The following RPN2 variants were observed in gnomAD, a reference collection of about 807,000 sequenced individuals.
RPN2 encodes the protein dolichyl-diphosphooligosaccharide--protein glycosyltransferase subunit 2.
RPN2 carries 29 observed loss-of-function variants against 71.4 expected under a neutral mutation model. The observed-to-expected ratio is 0.41, with a 90% confidence interval of 0.30 to 0.55. RPN2 has a LOEUF of 0.55. Ranked by LOEUF, RPN2 falls within the 20% of genes least tolerant of loss-of-function variation. The pLI, the probability that RPN2 is intolerant of heterozygous loss-of-function variation, is 0.35. For missense variants in RPN2, 726 were observed against 774.1 expected (o/e 0.94, Z 0.74); for synonymous variants, 308 against 305.0 (o/e 1.01, Z -0.10).
At chr20:37,219,480 C>A (rs1568988640) in intron 9 of RPN2, among the ~76,000 whole-genome samples, 1 of 152,068 alleles carries the variant, frequency 6.6e-6, no homozygotes, top group Non-Finnish European at 1.5e-5. Flanking sequence ...TTATTAAATA[C>A]ATGATTTGCA....
At chr20:37,181,435 T>C (rs992823730) in intron 1 of RPN2, among the ~76,000 whole-genome samples, 9 of 148,826 alleles carry the variant, frequency 6.0e-5, no homozygotes, top group Admixed American at 2.0e-4. Context: ...TCTTTTCTTT[T>C]TTTTTTTTTT....
intron 13 of RPN2, among the ~76,000 whole-genome samples, chr20:37,231,477 G>C (rs1333975914): frequency 2.0e-5 from 3 of 152,132 alleles, no homozygotes; most frequent in Non-Finnish European, 2.9e-5. Flanking sequence ...CGCGAATCTT[G>C]CTTTGCAGGG....
Position 37,207,323 on chromosome 20 carries a change from G to A in RPN2, c.741G>A (p.Glu247=), listed in dbSNP as rs1352823120. The A allele has an allele frequency of 5.0e-6, 8 of 1,614,124 alleles. No individual in the cohort carries two copies. The highest frequency in any genetic ancestry group is 6.8e-6 in the Non-Finnish European group (8 of 1,179,946). The part of the protein sequence containing the change: ...MNAIFSKKNF[E]SLSEAFSVAS... ...CGATCTTCAGCAAGAAGAACTTTGA[G>A]TCCCTCTCCGAAGCCTTCAGCGTGG... Residue 247 remains glutamate, a synonymous_variant, in exon 7 of 17, where the codon GAG becomes GAA. Coordinates refer to ENST00000237530, the MANE Select transcript of RPN2 (RefSeq NM_002951.5).
chr20:37,184,460 A>T, intron 2 of RPN2, 87 bp downstream of exon 2: 1 of 1,161,432 alleles, frequency 8.6e-7, no homozygotes, highest in Non-Finnish European at 1.3e-6. Flanking sequence ...TTCAAAACTA[A>T]CTCTTGCTCA....
At chr20:37,196,251 C>T (rs1478668903) in intron 2 of RPN2, among the ~76,000 whole-genome samples, 4 of 146,744 alleles carry the variant, frequency 2.7e-5, no homozygotes, top group South Asian at 2.2e-4. Flanking sequence ...TTTTTTGAGA[C>T]GGAGTCTCGC....
intron 2 of RPN2, among the ~76,000 whole-genome samples, chr20:37,190,708 A>G (rs1165204866): frequency 6.6e-6 from 1 of 152,172 alleles, no homozygotes; most frequent in Non-Finnish European, 1.5e-5. Context: ...TTTGAACTGT[A>G]GACTTTAGCT....
intron 4 of RPN2, among the ~76,000 whole-genome samples, chr20:37,203,621 C>T (rs965740225): frequency 2.6e-5 from 4 of 152,140 alleles, no homozygotes; most frequent in Admixed American, 1.3e-4. Flanking sequence ...GGATTACGGG[C>T]GTGAGCCACT....
intron 2 of RPN2, among the ~76,000 whole-genome samples, chr20:37,187,733 C>T (rs1012424054): frequency 1.3e-5 from 2 of 151,904 alleles, no homozygotes; most frequent in East Asian, 2.0e-4. Context: ...CTCTGCCTCC[C>T]GGGTTCAAGT....
chr20:37,233,336 A>G (rs1363858579), intron 14 of RPN2, among the ~76,000 whole-genome samples: 4 of 148,994 alleles, frequency 2.7e-5, no homozygotes, highest in Admixed American at 1.3e-4. Context: ...TACCATTTGA[A>G]TTTTTTTTTT....
At chr20:37,184,950 G>A (rs2066973806) in intron 2 of RPN2, among the ~76,000 whole-genome samples, 1 of 152,102 alleles carries the variant, frequency 6.6e-6, no homozygotes, top group African/African-American at 2.4e-5. Flanking sequence ...CTGGGAGTGA[G>A]ACTGTCCAAT....
intron 9 of RPN2, among the ~76,000 whole-genome samples, chr20:37,218,554 AAAC>A (rs1200161701): frequency 6.0e-5 from 9 of 151,182 alleles, no homozygotes; most frequent in African/African-American, 1.2e-4. Context: ...CTAAAAAAAA[AAAC>A]AAAAAAAACA....
In RPN2 at chr20:37,232,290, C is replaced by T. The variant is rs376939930; in HGVS notation, c.1582-6C>T. 2.2e-5 allele frequency: 36 copies of T among 1,614,078 alleles called. No homozygotes were observed. Among genetic ancestry groups the T allele is most frequent in the African/African-American group, 4.0e-5 (3 of 74,920 alleles). ...TCTTAAGTCTTCTTGGTGTGTCTTT[C>T]GGCAGCACCTGTTCCGCGAGCCTGA... On this transcript the variant is annotated splice_polypyrimidine_tract_variant and splice_region_variant and intron_variant, in intron 13 of 16. Coordinates refer to ENST00000237530, the MANE Select transcript of RPN2 (RefSeq NM_002951.5).
At chr20:37,189,506 C>T (rs192450283) in intron 2 of RPN2, among the ~76,000 whole-genome samples, 13 of 152,290 alleles carry the variant, frequency 8.5e-5, no homozygotes, top group African/African-American at 3.1e-4. Flanking sequence ...TATATGAGAT[C>T]CAGCTTACTC....
intron 13 of RPN2, among the ~76,000 whole-genome samples, chr20:37,230,583 CAAT>C (rs2068213539): frequency 6.6e-6 from 1 of 152,112 alleles, no homozygotes; most frequent in South Asian, 2.1e-4. Flanking sequence ...AAAATAAACA[CAAT>C]AATTGTTAAA....
chr20:37,208,010 G>A (rs563506913), intron 7 of RPN2, among the ~76,000 whole-genome samples: 47 of 152,204 alleles, frequency 3.1e-4, no homozygotes, highest in South Asian at 4.1e-4. Flanking sequence ...TGTGGCTCAC[G>A]CCTGTAATCC....
Position 37,215,887 on chromosome 20 carries a change from TTA to T in RPN2, c.1092+2026_1092+2027del. On this transcript the variant is annotated intron_variant, in intron 9 of 16. Transcript: ENST00000237530. Reference sequence around the variant, plus strand: ...TACATTTCCTTTCCAGTGAATTGTTTTATATCTTTGCCTGGTTTTCTTTTGGT... The same window carrying T: ...TACATTTCCTTTCCAGTGAATTGTTTTATCTTTGCCTGGTTTTCTTTTGGT... Among the ~76,000 whole-genome samples the T allele has an allele frequency of 1.3e-5, 2 of 152,354 alleles. 1 individual carries two copies. Among genetic ancestry groups the T allele is most frequent in the Middle Eastern group, 6.8e-3 (2 of 294 alleles).
chr20:37,185,896 C>T (rs764572062), intron 2 of RPN2, among the ~76,000 whole-genome samples: 4 of 152,234 alleles, frequency 2.6e-5, no homozygotes, highest in Non-Finnish European at 5.9e-5. Flanking sequence ...AACTGGGCTC[C>T]TCCCGGAAGC....
At position 37,207,313 on chromosome 20, in the gene RPN2, A is replaced by G. The variant is rs2067536853; in HGVS notation, c.731A>G (p.Lys244Arg). The G allele has an allele frequency of 6.2e-7, 1 of 1,614,162 alleles. No individual in the cohort carries two copies. Among genetic ancestry groups the G allele is most frequent in the Non-Finnish European group, 8.5e-7 (1 of 1,179,966 alleles). The change falls in exon 7 of 17, where the codon AAG becomes AGG. Residue 244 changes from lysine to arginine, a missense_variant. Lys to Arg is a conservative substitution (Grantham distance 26). Transcript: ENST00000237530. ...IQLMNAIFSKKNFESLSEAFS... is the reference protein window; with the variant it reads ...IQLMNAIFSKRNFESLSEAFS... ...CTGATGAACGCGATCTTCAGCAAGA[A>G]GAACTTTGAGTCCCTCTCCGAAGCC...
At chr20:37,204,597 C>G (rs539211115) in intron 5 of RPN2, among the ~76,000 whole-genome samples, 170 bp from the exon 6 acceptor site, 1 of 152,362 alleles carries the variant, frequency 6.6e-6, no homozygotes, top group African/African-American at 2.4e-5. Context: ...GTTTGATATA[C>G]TTTACTCTGC....
Sources: gnomAD v4.1 joint callset for allele counts (sites outside exome capture counted in the v4.1 genomes callset) on GRCh38, gnomAD v4.1.1 for gene constraint, MANE v1.5 for transcripts, NCBI Gene and HGNC (gene_info 2026-07-23, HGNC 2026-07-21) for gene names.